LAMA2: variants seen among roughly 807,000 people sequenced by gnomAD.
LAMA2 encodes the protein laminin subunit alpha 2.
LAMA2 carries 269 observed loss-of-function variants against 364.8 expected under a neutral mutation model. The observed-to-expected ratio is 0.74, with a 90% confidence interval of 0.67 to 0.82. The LOEUF is 0.82. Ranked by LOEUF, LAMA2 falls within the 40% of genes least tolerant of loss-of-function variation. The pLI is 0.00. For synonymous variants in LAMA2, 1,379 were observed against 1,370.6 expected, an observed-to-expected ratio of 1.01 and a Z score of -0.14; for missense variants, 3,807 against 3,873.2, an observed-to-expected ratio of 0.98 and a Z score of 0.45.
At chr6:129,094,143 TAC>T (rs1387829551) in intron 3 of LAMA2, among the ~76,000 whole-genome samples, 1 of 152,226 alleles carries the variant, frequency 6.6e-6, no homozygotes, top group Non-Finnish European at 1.5e-5. Context: ...TTAAAATTGT[TAC>T]AGTTACTCTC....
At chr6:129,373,130 T>C (rs1778181541) in intron 34 of LAMA2, among the ~76,000 whole-genome samples, 4 of 152,218 alleles carry the variant, frequency 2.6e-5, no homozygotes. Flanking sequence ...CAGAAGTTTT[T>C]AATTGTAACG....
At chr6:129,096,721 G>T (rs1238168342) in intron 3 of LAMA2, among the ~76,000 whole-genome samples, 2 of 152,142 alleles carry the variant, frequency 1.3e-5, no homozygotes, top group African/African-American at 4.8e-5. Flanking sequence ...AACAAGTACA[G>T]AAGCATTTCA....
chr6:129,169,639 T>C (rs1331846084), intron 9 of LAMA2, among the ~76,000 whole-genome samples: 1 of 148,358 alleles, frequency 6.7e-6, no homozygotes, highest in African/African-American at 2.5e-5. Context: ...TGGTTGTGTC[T>C]CTGCCTGGCT....
At chr6:129,023,125 C>A (rs1785554916) in intron 1 of LAMA2, among the ~76,000 whole-genome samples, 1 of 152,182 alleles carries the variant, frequency 6.6e-6, no homozygotes, top group Admixed American at 6.6e-5. Flanking sequence ...CATTCTTCAG[C>A]TGGTGGCAAT....
chr6:128,897,184 G>T (rs1451125492), intron 1 of LAMA2, among the ~76,000 whole-genome samples: 1 of 152,326 alleles, frequency 6.6e-6, no homozygotes, highest in East Asian at 1.9e-4. Context: ...AAATTAGTAA[G>T]TAAAGGGCTT....
chr6:129,009,456 T>C (rs1428686180), intron 1 of LAMA2, among the ~76,000 whole-genome samples: 1 of 152,168 alleles, frequency 6.6e-6, no homozygotes, highest in Non-Finnish European at 1.5e-5. Context: ...AAATCCATTG[T>C]GAAAATAGAA....
chr6:129,439,834 ATATATATATATATATC>A (rs549391117), intron 42 of LAMA2, among the ~76,000 whole-genome samples: 3,824 of 147,552 alleles, frequency 0.026, 212 homozygotes, highest in African/African-American at 0.09. Context: ...TCATATATAT[ATATATATATATATATC>A]TATCTCAATT....
chr6:129,480,015 C>T (rs963414255), intron 54 of LAMA2, among the ~76,000 whole-genome samples: 3 of 152,170 alleles, frequency 2.0e-5, no homozygotes, highest in East Asian at 1.9e-4. Context: ...GGAAACTGTC[C>T]GGAAAATGAA....
At chr6:128,940,217 A>G (rs1424169294) in intron 1 of LAMA2, among the ~76,000 whole-genome samples, 1 of 152,078 alleles carries the variant, frequency 6.6e-6, no homozygotes, top group East Asian at 1.9e-4. Flanking sequence ...TGAATTTTCA[A>G]ACTGCAAGTC....
intron 18 of LAMA2, among the ~76,000 whole-genome samples, chr6:129,284,449 A>G (rs985564604): frequency 2.0e-5 from 3 of 152,024 alleles, no homozygotes; most frequent in African/African-American, 7.2e-5. Context: ...ATGTGTGTTC[A>G]TTCTCCATGG....
chr6:129,037,496 T>C (rs1027265601), intron 1 of LAMA2, among the ~76,000 whole-genome samples: 1 of 152,186 alleles, frequency 6.6e-6, no homozygotes, highest in Non-Finnish European at 1.5e-5. Context: ...ATTGGTGGTC[T>C]TTACAAACTT....
chr6:129,275,869 G>A (rs1788288195), intron 17 of LAMA2, among the ~76,000 whole-genome samples: 1 of 151,934 alleles, frequency 6.6e-6, no homozygotes, highest in Admixed American at 6.6e-5. Flanking sequence ...TGGGAAACAG[G>A]TTTAGAGAAA....
intron 1 of LAMA2, among the ~76,000 whole-genome samples, chr6:128,979,487 G>A (rs1316513491): frequency 6.6e-6 from 1 of 152,138 alleles, no homozygotes; most frequent in Non-Finnish European, 1.5e-5. Context: ...TGCCAAGGAA[G>A]GAAGAGCATG....
intron 40 of LAMA2, among the ~76,000 whole-genome samples, chr6:129,408,801 A>T (rs1049374778): frequency 2.6e-5 from 4 of 152,170 alleles, no homozygotes; most frequent in African/African-American, 9.7e-5. Context: ...TTTGTTCATG[A>T]GCCCATTGAG....
At chr6:128,991,043 T>C (rs1277553708) in intron 1 of LAMA2, among the ~76,000 whole-genome samples, 2 of 152,270 alleles carry the variant, frequency 1.3e-5, no homozygotes, top group East Asian at 1.9e-4. Flanking sequence ...TTTAAACGAC[T>C]ATAAACACAG....
intron 3 of LAMA2, among the ~76,000 whole-genome samples, chr6:129,092,070 C>G (rs116300553): frequency 8.5e-5 from 13 of 152,276 alleles, no homozygotes; most frequent in African/African-American, 3.1e-4. Flanking sequence ...CACTTTTCAC[C>G]TCTGTTTTCA....
chr6:129,149,975 C>T (rs1349703108), intron 7 of LAMA2, among the ~76,000 whole-genome samples: 1 of 151,988 alleles, frequency 6.6e-6, no homozygotes, highest in African/African-American at 2.4e-5. Context: ...TGAGGGAGGT[C>T]CTGGAACCAT....
chr6:129,356,125 T>A (rs1008750549), intron 32 of LAMA2, among the ~76,000 whole-genome samples: 8 of 152,102 alleles, frequency 5.3e-5, no homozygotes, highest in African/African-American at 1.4e-4. Flanking sequence ...CCCTGGATTT[T>A]ACTGGATCCA....
intron 1 of LAMA2, among the ~76,000 whole-genome samples, chr6:128,955,472 C>T (rs977304824): frequency 6.6e-5 from 10 of 151,898 alleles, no homozygotes; most frequent in East Asian, 3.9e-4. Flanking sequence ...GAAAAGTTTT[C>T]GTTATAGATT....
Sources: allele counts gnomAD v4.1 joint callset (sites outside exome capture counted in the v4.1 genomes callset), GRCh38; gene constraint gnomAD v4.1.1; transcripts MANE v1.5; gene names NCBI Gene and HGNC (gene_info 2026-07-23, HGNC 2026-07-21).